Variants in RPTOR observed in about 807,000 individuals in gnomAD.
RPTOR encodes the protein regulatory-associated protein of mTOR.
Under a neutral mutation model 169.9 loss-of-function variants are expected in RPTOR, and 21 were observed. The observed-to-expected ratio is 0.12, with a 90% confidence interval of 0.09 to 0.18. The LOEUF is 0.18. Ranked by LOEUF, RPTOR falls within the 10% of genes least tolerant of loss-of-function variation. RPTOR has a pLI of 1.00. For synonymous variants in RPTOR, 732 were observed against 753.2 expected (o/e 0.97, Z 0.46); for missense variants, 1,133 against 1,855.9 (o/e 0.61, Z 7.16).
intron 7 of RPTOR, among the ~76,000 whole-genome samples, chr17:80,815,667 T>A (rs2067315018): frequency 6.6e-6 from 1 of 152,148 alleles, no homozygotes; most frequent in African/African-American, 2.4e-5. Flanking sequence ...GGAATTTATC[T>A]AGCTACACAG....
chr17:80,840,423 G>A (rs961631079), intron 10 of RPTOR, among the ~76,000 whole-genome samples: 9 of 137,142 alleles, frequency 6.6e-5, no homozygotes, highest in African/African-American at 2.3e-4. Context: ...CCGCATGGCA[G>A]CTCACTCTCA....
intron 1 of RPTOR, among the ~76,000 whole-genome samples, chr17:80,582,707 G>A (rs2065024963): frequency 6.6e-6 from 1 of 151,614 alleles, no homozygotes; most frequent in African/African-American, 2.4e-5. Flanking sequence ...CACCATGCCT[G>A]GCTAATTTTT....
At chr17:80,616,587 G>T (rs960107156) in intron 1 of RPTOR, among the ~76,000 whole-genome samples, 5 of 152,270 alleles carry the variant, frequency 3.3e-5, no homozygotes, top group South Asian at 2.1e-4. Context: ...ATGAGCCACC[G>T]CACCCGGCCT....
intron 1 of RPTOR, among the ~76,000 whole-genome samples, chr17:80,610,229 T>C (rs75411504): frequency 0.011 from 1,735 of 152,118 alleles, 43 homozygotes; most frequent in African/African-American, 0.04. Flanking sequence ...CTTTACCACA[T>C]TCATTATACA....
rs2069197696 is a variant in RPTOR, at chr17:80,952,823, C to T, written c.3370+3276C>T. ...AGTCTAGAAGTGCAGAGCCCAGACC[C>T]ATGCATCTCTCCCTTCTCTTTTTCT... On this transcript the variant is annotated intron_variant, in intron 28 of 33. Transcript: ENST00000306801. Among the ~76,000 whole-genome samples, 6 of 150,678 alleles carry T rather than the reference C, an allele frequency of 4.0e-5. No individual in the cohort carries two copies. The South Asian group carries it at 1.3e-3, about 32-fold the overall frequency.
At chr17:80,664,101 G>A (rs1444585522) in intron 3 of RPTOR, among the ~76,000 whole-genome samples, 2 of 152,090 alleles carry the variant, frequency 1.3e-5, no homozygotes, top group African/African-American at 2.4e-5. Context: ...GGACTTGGGT[G>A]GTGGAGTGTT....
chr17:80,595,757 G>T (rs1395655142), intron 1 of RPTOR, among the ~76,000 whole-genome samples: 1 of 152,240 alleles, frequency 6.6e-6, no homozygotes, highest in Non-Finnish European at 1.5e-5. Flanking sequence ...GTGCCCAGTG[G>T]CAGGAGGGTT....
rs1226456124 is a variant in RPTOR at position 80,711,744 on chromosome 17, C to CTTTTTTTTTTT, written c.507+3751_507+3761dup. Among the ~76,000 whole-genome samples the CTTTTTTTTTTT allele has an allele frequency of 2.6e-3, 232 of 88,816 alleles. 68 individuals carry two copies. Among genetic ancestry groups the CTTTTTTTTTTT allele is most frequent in the African/African-American group, 0.012 (190 of 15,634 alleles). 58.3% of individuals were successfully genotyped at this position (88,816 alleles called of 152,430 possible). On this transcript the variant is annotated intron_variant, in intron 4 of 33. Transcript: ENST00000306801. Reference sequence around the variant, plus strand: ...AGTTAACATATAGTTATACATCAGTCTTTTTTTTTTTTTTTTGAGGTTAAG... The same window carrying CTTTTTTTTTTT: ...AGTTAACATATAGTTATACATCAGTCTTTTTTTTTTTTTTTTTTTTTTTTTTTGAGGTTAAG...
intron 7 of RPTOR, among the ~76,000 whole-genome samples, chr17:80,806,111 GT>G (rs2067216294): frequency 1.3e-5 from 2 of 152,154 alleles, no homozygotes; most frequent in Non-Finnish European, 2.9e-5. Context: ...GCCGCCTCTG[GT>G]GGTTTTTAAA....
Position 80,778,946 on chromosome 17 carries a change from A to G in RPTOR, c.831-12504A>G, listed in dbSNP as rs1458920171. Among the ~76,000 whole-genome samples, 15 of 152,226 alleles carry G rather than the reference A, an allele frequency of 9.9e-5. No individual in the cohort carries two copies. In the East Asian group the frequency reaches 2.3e-3, roughly 23 times the overall value. ...TTTGCTCTTGGTTGTCTTGGAACCA[A>G]ACATCTGTGTGCTGGCATGGACTGG... On this transcript the variant is annotated intron_variant, in intron 6 of 33. Transcript: ENST00000306801.
Position 80,957,807 on chromosome 17 carries a change from G to GC in RPTOR, c.3477+78dup. 7.3e-7 allele frequency: 1 copy of GC among 1,363,476 alleles called. No individual in the cohort carries two copies. Among genetic ancestry groups the GC allele is most frequent in the Non-Finnish European group, 1.0e-6 (1 of 958,234 alleles). The allele number at this position is 1,363,476 out of a possible 1,614,324, so 84.5% of individuals were successfully genotyped here. A position where few individuals can be genotyped will look rare whatever the true frequency, so the allele number is the denominator to read the frequency against. On this transcript the variant is annotated intron_variant, in intron 29 of 33. Coordinates refer to ENST00000306801, the MANE Select transcript of RPTOR (RefSeq NM_020761.3). This position sits in a 1 kb window ranked among gnomAD's most constrained non-coding sequence, Gnocchi z 4.6. Reference sequence around the variant, plus strand: ...GGGCTGGTCCTCGTCACAGAACCCAGCAAAGTGTGCGGTGAGGCCTGGCCA... The same window carrying GC: ...GGGCTGGTCCTCGTCACAGAACCCAGCCAAAGTGTGCGGTGAGGCCTGGCCA...
At position 80,892,859 on chromosome 17, in the gene RPTOR, G is replaced by A. The variant is rs2143872293; in HGVS notation, c.2232G>A (p.Leu744=). 6.2e-7 allele frequency: 1 copy of A among 1,613,944 alleles called. No homozygotes were observed. The highest frequency in any genetic ancestry group is 8.5e-7 in the Non-Finnish European group (1 of 1,179,908). Residue 744 remains leucine (L), a synonymous_variant, in exon 19 of 34, where the codon TTG becomes TTA. Coordinates refer to ENST00000306801, the MANE Select transcript of RPTOR (RefSeq NM_020761.3). ...ACAAATCTTTGCAGAACCTGAGTTTGACAGAGGAATGTAAGATCCTGGAAA... is the reference window on the plus strand; with the variant it reads ...ACAAATCTTTGCAGAACCTGAGTTTAACAGAGGAATGTAAGATCCTGGAAA... ...SLNKSLQNLS[L]TEESGGAVAF... is the part of the protein sequence containing the mutation.
chr17:80,908,342 ACAGGAAGCACGTGGAGGTGGG>A (rs1259319227), intron 20 of RPTOR, among the ~76,000 whole-genome samples: 1 of 152,198 alleles, frequency 6.6e-6, no homozygotes, highest in Non-Finnish European at 1.5e-5. Flanking sequence ...CTGGAGGTGG[ACAGGAAGCACGTGGAGGTGGG>A]CAGGAAGCAC....
intron 3 of RPTOR, among the ~76,000 whole-genome samples, chr17:80,665,434 TTTCC>T (rs1567846352): frequency 7.2e-4 from 12 of 16,756 alleles, no homozygotes; most frequent in African/African-American, 3.9e-3. Flanking sequence ...TTTCCTTTCC[TTTCC>T]TTTCCTTTCC....
intron 1 of RPTOR, among the ~76,000 whole-genome samples, chr17:80,603,170 C>T (rs1416841845): frequency 6.6e-6 from 1 of 152,088 alleles, no homozygotes; most frequent in African/African-American, 2.4e-5. Context: ...TCACTTTTAC[C>T]CAGACAATGT....
At chr17:80,785,923 A>G (rs938582696) in intron 6 of RPTOR, among the ~76,000 whole-genome samples, 3 of 152,208 alleles carry the variant, frequency 2.0e-5, no homozygotes, top group East Asian at 1.9e-4. Flanking sequence ...GCCACACTCC[A>G]GCACATCGTG....
At chr17:80,549,703 T>C (rs1000171166) in intron 1 of RPTOR, among the ~76,000 whole-genome samples, 1 of 152,204 alleles carries the variant, frequency 6.6e-6, no homozygotes, top group Non-Finnish European at 1.5e-5. Context: ...CTCTTTTGCC[T>C]GGAATATGTG....
chr17:80,582,828 G>A (rs751503548), intron 1 of RPTOR, among the ~76,000 whole-genome samples: 6 of 151,972 alleles, frequency 3.9e-5, no homozygotes, highest in Non-Finnish European at 5.9e-5. Context: ...ACAGGCGTGA[G>A]CCACCGCGCA....
chr17:80,657,191 G>T (rs914124377), intron 3 of RPTOR, among the ~76,000 whole-genome samples: 5 of 152,234 alleles, frequency 3.3e-5, no homozygotes, highest in African/African-American at 1.2e-4. Flanking sequence ...TGTGATTTCA[G>T]TGGGTCTTTA....
Sources: gnomAD v4.1 joint callset for allele counts (sites outside exome capture counted in the v4.1 genomes callset) on GRCh38, gnomAD v4.1.1 for gene constraint, Gnocchi (gnomAD v3.1) non-coding constraint, MANE v1.5 for transcripts, NCBI Gene and HGNC (gene_info 2026-07-23, HGNC 2026-07-21) for gene names.